Variants in RUNX1T1 observed in about 807,000 individuals in gnomAD.
RUNX1T1 encodes the protein RUNX1 partner transcriptional co-repressor 1, also known as protein CBFA2T1.
In RUNX1T1, 4 loss-of-function variants were observed where a neutral mutation model predicts 62.8. The observed-to-expected ratio is 0.06, with a 90% confidence interval of 0.03 to 0.15. The LOEUF is 0.15. RUNX1T1 is among the 10% of genes least tolerant of loss of function. The pLI is 1.00. For synonymous variants in RUNX1T1, 291 were observed against 286.0 expected (o/e 1.02, Z -0.18); for missense variants, 508 against 754.3 (o/e 0.67, Z 3.82).
chr8:92,062,349 C>A (rs994855247), intron 1 of RUNX1T1, among the ~76,000 whole-genome samples: 1 of 152,234 alleles, frequency 6.6e-6, no homozygotes, highest in South Asian at 2.1e-4. Context: ...GGGCTCCACA[C>A]CCTGTACCCC....
chr8:92,017,691 A>C, intron 1 of RUNX1T1: 3 of 1,212,460 alleles, frequency 2.5e-6, no homozygotes, highest in East Asian at 4.0e-5. Flanking sequence ...AGAGGTAGAA[A>C]ATAGATGAGG....
intron 9 of RUNX1T1, among the ~76,000 whole-genome samples, chr8:91,971,928 T>C (rs1812924147): frequency 6.6e-6 from 1 of 152,192 alleles, no homozygotes; most frequent in Admixed American, 6.5e-5. Context: ...ATCCTCCCCC[T>C]GAATTAGTTT....
intron 1 of RUNX1T1, among the ~76,000 whole-genome samples, chr8:92,024,354 C>T (rs1824709077): frequency 6.6e-6 from 1 of 151,880 alleles, no homozygotes; most frequent in African/African-American, 2.4e-5. Flanking sequence ...ACAAAAAATA[C>T]AAAAATTAGC....
intron 9 of RUNX1T1, among the ~76,000 whole-genome samples, chr8:91,973,444 G>C (rs966024992): frequency 6.6e-6 from 1 of 151,720 alleles, no homozygotes; most frequent in Non-Finnish European, 1.5e-5. Context: ...TCAAGCACAG[G>C]GTATACTTGT....
At chr8:92,022,262 C>T (rs984775926) in intron 1 of RUNX1T1, among the ~76,000 whole-genome samples, 1 of 152,050 alleles carries the variant, frequency 6.6e-6, no homozygotes, top group South Asian at 2.1e-4. Context: ...AAAAGACAAA[C>T]ACACACCATC....
At chr8:92,059,459 T>A (rs1831557493) in intron 1 of RUNX1T1, among the ~76,000 whole-genome samples, 2 of 152,304 alleles carry the variant, frequency 1.3e-5, no homozygotes, top group Non-Finnish European at 2.9e-5. Context: ...AAAAATAGTC[T>A]AGTACACAGT....
chr8:91,993,169 C>T (rs1818007739), intron 5 of RUNX1T1, among the ~76,000 whole-genome samples: 1 of 152,098 alleles, frequency 6.6e-6, no homozygotes, highest in Non-Finnish European at 1.5e-5. Flanking sequence ...AGCATAGAGG[C>T]ACTTCTTCTA....
chr8:92,051,072 T>A (rs1332199827), intron 1 of RUNX1T1, among the ~76,000 whole-genome samples: 2 of 152,298 alleles, frequency 1.3e-5, no homozygotes, highest in African/African-American at 4.8e-5. Context: ...CCTTTTTTTT[T>A]ATTGTACTTA....
intron 4 of RUNX1T1, chr8:92,006,324 G>C (rs962443158): frequency 3.3e-5 from 5 of 152,174 alleles, no homozygotes; most frequent in African/African-American, 1.2e-4. Context: ...ATACTGGGAA[G>C]AGTGAACAGC....
chr8:91,980,378 A>C (rs1421473025), intron 8 of RUNX1T1, among the ~76,000 whole-genome samples: 1 of 152,190 alleles, frequency 6.6e-6, no homozygotes, highest in Non-Finnish European at 1.5e-5. Context: ...TGTGGTTTTC[A>C]TATTTTGAGA....
chr8:91,999,825 T>C (rs1819422287), intron 5 of RUNX1T1, among the ~76,000 whole-genome samples: 1 of 152,160 alleles, frequency 6.6e-6, no homozygotes, highest in South Asian at 2.1e-4. Context: ...TTAATAGAAT[T>C]ATGGCATATA....
intron 5 of RUNX1T1, among the ~76,000 whole-genome samples, chr8:91,994,094 T>C (rs1445111407): frequency 1.3e-5 from 2 of 152,184 alleles, no homozygotes; most frequent in African/African-American, 4.8e-5. Context: ...CTATTCTGAA[T>C]AGACTGGCCA....
chr8:92,017,507 A>G, intron 1 of RUNX1T1, 144 bp from the exon 3 acceptor site: 3 of 1,532,410 alleles, frequency 2.0e-6, no homozygotes, highest in Non-Finnish European at 1.7e-6. Context: ...TGACGTTTAA[A>G]TCAGGATTTT....
chr8:92,070,158 C>G (rs2130716110), intron 2 of RUNX1T1, among the ~76,000 whole-genome samples: 1 of 152,268 alleles, frequency 6.6e-6, no homozygotes, highest in Non-Finnish European at 1.5e-5. Flanking sequence ...CCACATTTTT[C>G]TCACATTATA....
At chr8:92,061,145 T>C (rs550867405) in intron 1 of RUNX1T1, among the ~76,000 whole-genome samples, 1 of 152,356 alleles carries the variant, frequency 6.6e-6, no homozygotes, top group East Asian at 1.9e-4. Flanking sequence ...TCACCTATTA[T>C]AATTCACAAA....
At chr8:92,091,832 C>A (rs147121820) in intron 1 of RUNX1T1, among the ~76,000 whole-genome samples, 1 of 152,306 alleles carries the variant, frequency 6.6e-6, no homozygotes, top group Non-Finnish European at 1.5e-5. Context: ...CAAATACTCA[C>A]ATTCAACATT....
At chr8:92,090,716 G>C (rs1836858544) in intron 1 of RUNX1T1, among the ~76,000 whole-genome samples, 1 of 152,130 alleles carries the variant, frequency 6.6e-6, no homozygotes, top group Non-Finnish European at 1.5e-5. Flanking sequence ...CAGAGAATAA[G>C]GTCCTAAATA....
chr8:91,968,669 T>C (rs1401014742), intron 10 of RUNX1T1, among the ~76,000 whole-genome samples: 2 of 152,208 alleles, frequency 1.3e-5, no homozygotes, highest in Non-Finnish European at 2.9e-5. Flanking sequence ...TGTCTTTATC[T>C]GCATACAAAA....
intron 1 of RUNX1T1, among the ~76,000 whole-genome samples, chr8:92,041,677 G>A (rs189072847): frequency 1.3e-5 from 2 of 152,256 alleles, no homozygotes; most frequent in African/African-American, 4.8e-5. Context: ...AGGCAGCAGA[G>A]GTTGTAGTAA....
Sources: allele counts gnomAD v4.1 joint callset (sites outside exome capture counted in the v4.1 genomes callset), GRCh38; gene constraint gnomAD v4.1.1; transcripts MANE v1.5; gene names NCBI Gene and HGNC (gene_info 2026-07-23, HGNC 2026-07-21).